CHD7: variants seen among roughly 807,000 people sequenced by gnomAD.
CHD7 encodes ATP-dependent chromatin remodeler CHD7.
A neutral mutation model predicts 307.3 loss-of-function variants in CHD7; 24 were observed. That is an observed-to-expected ratio of 0.08 (90% CI 0.06 to 0.11). The LOEUF (loss-of-function observed/expected upper bound fraction) is 0.11. Among genes scored for constraint, CHD7 ranks in the 10% least tolerant of loss-of-function variants. The pLI is 1.00. For missense variants in CHD7, 3,106 were observed against 3,727.1 expected (o/e 0.83, Z 4.34); for synonymous variants, 1,363 against 1,349.9 (o/e 1.01, Z -0.21).
chr8:60,856,233 A>T (rs1235920061), intron 33 of CHD7, 31 bp downstream of exon 33: 2 of 1,500,400 alleles, frequency 1.3e-6, no homozygotes, highest in Non-Finnish European at 9.0e-7. Context: ...TCTGCAGCTT[A>T]AAAGGGAGCT....
chr8:60,834,090 T>C (rs774033261), intron 15 of CHD7, among the ~76,000 whole-genome samples: 2 of 152,222 alleles, frequency 1.3e-5, no homozygotes, highest in Non-Finnish European at 2.9e-5. Flanking sequence ...TTCTTTTTGA[T>C]AGTATAAAAA....
chr8:60,775,933 A>ATT (rs11382482), intron 2 of CHD7, among the ~76,000 whole-genome samples: 7 of 151,768 alleles, frequency 4.6e-5, no homozygotes, highest in South Asian at 2.1e-4. Flanking sequence ...AATTTTTTGT[A>ATT]TTTTTTAGTA....
At chr8:60,774,586 C>T (rs1298942765) in intron 2 of CHD7, among the ~76,000 whole-genome samples, 1 of 152,152 alleles carries the variant, frequency 6.6e-6, no homozygotes, top group African/African-American at 2.4e-5. Flanking sequence ...TACCCCTGGG[C>T]CTGCAGGGCA....
intron 3 of CHD7, among the ~76,000 whole-genome samples, chr8:60,788,756 A>G (rs1811628961): frequency 1.3e-5 from 2 of 152,214 alleles, no homozygotes; most frequent in Admixed American, 6.5e-5. Context: ...GCCTTCGCCA[A>G]AAGGGTACTG....
chr8:60,708,067 G>A (rs752439830), intron 1 of CHD7, among the ~76,000 whole-genome samples: 1 of 152,198 alleles, frequency 6.6e-6, no homozygotes, highest in South Asian at 2.1e-4. Flanking sequence ...GATAAAGGTC[G>A]AAGGGTGGTG....
intron 1 of CHD7, among the ~76,000 whole-genome samples, chr8:60,692,909 ATTC>A (rs1191766917): frequency 6.6e-6 from 1 of 152,140 alleles, no homozygotes; most frequent in Non-Finnish European, 1.5e-5. Flanking sequence ...CTACGTCTGT[ATTC>A]TTATTTCTCG....
rs886063023 is a variant in CHD7, at chr8:60,678,764, CGCGGCGGCG to C, written c.-475_-467del. 15 of 138,190 alleles carry C rather than the reference CGCGGCGGCG, an allele frequency of 1.1e-4. No homozygotes were observed. The highest frequency in any genetic ancestry group is 4.1e-4 in the South Asian group (2 of 4,838). 8.6% of individuals were successfully genotyped at this position (138,190 alleles called of 1,614,324 possible). A position where few individuals can be genotyped will look rare whatever the true frequency, so the allele number is the denominator to read the frequency against. ...CGCGCAGGCGCTGGCGTGCTGGGGC[CGCGGCGGCG>C]GCGGCGGCGGCGGCGGCAGCGGCGG... On this transcript the variant is annotated 5_prime_UTR_variant, in exon 1 of 38. Coordinates refer to ENST00000423902, the MANE Select transcript of CHD7 (RefSeq NM_017780.4).
At chr8:60,689,392 A>T (rs944493935) in intron 1 of CHD7, among the ~76,000 whole-genome samples, 1 of 152,232 alleles carries the variant, frequency 6.6e-6, no homozygotes, top group African/African-American at 2.4e-5. Flanking sequence ...GCTGAATCCT[A>T]AAGTAGGATT....
Position 60,742,899 on chromosome 8 carries a change from A to T in CHD7, c.1467A>T (p.Gln489His). 3 of 1,612,562 alleles carry T rather than the reference A, an allele frequency of 1.9e-6. No individual in the cohort carries two copies. The highest frequency in any genetic ancestry group is 2.5e-6 in the Non-Finnish European group (3 of 1,179,172). ...CTGGTGTTGGCCTTGGAGACCCACA[A>T]GCAATCCAGGAACGACTGATACCTG... The part of the protein sequence containing the change: ...GCPGVGLGDP[Q>H]AIQERLIPGQ... Residue 489 changes from glutamine to histidine, a missense_variant, in exon 2 of 38, where the codon CAA (glutamine) becomes CAT (histidine). Gln to His is a conservative substitution (Grantham distance 24). This residue lies in a region of CHD7 where 998 missense variants were observed against 1,004.5 expected (regional missense o/e 0.99). Coordinates refer to ENST00000423902, the MANE Select transcript of CHD7 (RefSeq NM_017780.4).
At chr8:60,787,507 G>C (rs1378483281) in intron 3 of CHD7, among the ~76,000 whole-genome samples, 2 of 152,002 alleles carry the variant, frequency 1.3e-5, no homozygotes, top group Non-Finnish European at 2.9e-5. Flanking sequence ...GTGTCTAATT[G>C]GTTTAATTCT....
intron 2 of CHD7, among the ~76,000 whole-genome samples, chr8:60,746,759 G>A (rs181807883): frequency 1.6e-3 from 247 of 152,262 alleles, no homozygotes; most frequent in African/African-American, 5.6e-3. Context: ...AAAGAAAAAT[G>A]TTAGAACAAA....
intron 1 of CHD7, among the ~76,000 whole-genome samples, chr8:60,737,628 TTC>T (rs1260075472): frequency 2.0e-5 from 3 of 152,226 alleles, no homozygotes; most frequent in Non-Finnish European, 2.9e-5. Context: ...CACATGCATC[TTC>T]TGAACTGTCC....
At chr8:60,690,523 C>A (rs1432876412) in intron 1 of CHD7, among the ~76,000 whole-genome samples, 2 of 152,104 alleles carry the variant, frequency 1.3e-5, no homozygotes, top group African/African-American at 2.4e-5. Context: ...AAGCAAACCT[C>A]CAGTTTTATA....
intron 2 of CHD7, among the ~76,000 whole-genome samples, chr8:60,759,100 G>A (rs1810034008): frequency 6.6e-6 from 1 of 151,200 alleles, no homozygotes; most frequent in South Asian, 2.5e-4. Context: ...AGGGACCCCT[G>A]AGGGTCCACA....
At chr8:60,767,394 G>T (rs1231422127) in intron 2 of CHD7, among the ~76,000 whole-genome samples, 1 of 152,164 alleles carries the variant, frequency 6.6e-6, no homozygotes, top group Non-Finnish European at 1.5e-5. Context: ...AAAGTAGGTT[G>T]GTAGGTCACT....
chr8:60,815,092 G>A (rs1563624011), intron 7 of CHD7, among the ~76,000 whole-genome samples: 1 of 152,090 alleles, frequency 6.6e-6, no homozygotes. Flanking sequence ...TGTATGTACA[G>A]CATTTATATC....
At chr8:60,686,405 G>A (rs1312862877) in intron 1 of CHD7, among the ~76,000 whole-genome samples, 1 of 151,942 alleles carries the variant, frequency 6.6e-6, no homozygotes, top group African/African-American at 2.4e-5. Context: ...CCAGCCAGCA[G>A]TGTATTCTTA....
intron 2 of CHD7, among the ~76,000 whole-genome samples, chr8:60,748,034 G>A (rs1809419701): frequency 6.6e-6 from 1 of 152,174 alleles, no homozygotes. Context: ...TACATCCTTG[G>A]TTTTAGTGAA....
rs542922123 is a variant in CHD7, at chr8:60,694,565, C to G, written c.-175+15483C>G. 3.0e-4 allele frequency among the ~76,000 whole-genome samples: 46 copies of G among 152,382 alleles called. No individual in the cohort carries two copies. In the South Asian group the frequency reaches 8.9e-3, roughly 29 times the overall value. On this transcript the variant is annotated intron_variant, in intron 1 of 37. Transcript: ENST00000423902. ...TAATGTGAAAAAAATCACGGAGAGGCTGTCAGCCAAGGGTCCTGGCAGGGA... is the reference window on the plus strand; with the variant it reads ...TAATGTGAAAAAAATCACGGAGAGGGTGTCAGCCAAGGGTCCTGGCAGGGA...
Sources: allele counts gnomAD v4.1 joint callset (sites outside exome capture counted in the v4.1 genomes callset), GRCh38; gene constraint gnomAD v4.1.1; regional missense constraint gnomAD v4.1.1; transcripts MANE v1.5; gene names NCBI Gene and HGNC (gene_info 2026-07-23, HGNC 2026-07-21).